The following TTC33 variants were observed in gnomAD, a reference collection of about 807,000 sequenced individuals.
TTC33 encodes the protein tetratricopeptide repeat protein 33.
TTC33 carries 24 observed loss-of-function variants against 29.4 expected under a neutral mutation model. The ratio of observed to expected loss-of-function variants is 0.82; its 90% CI spans 0.59 to 1.15. The LOEUF (loss-of-function observed/expected upper bound fraction) is 1.15. Ranked by LOEUF, TTC33 falls within the 50% of genes most tolerant of loss-of-function variation. TTC33 has a pLI of 0.00. For missense variants in TTC33, 286 were observed against 310.4 expected, an observed-to-expected ratio of 0.92 and a Z score of 0.59; for synonymous variants, 107 against 100.3, an observed-to-expected ratio of 1.07 and a Z score of -0.40.
In TTC33 at chr5:40,722,348, C is replaced by T. The variant is rs566227551; in HGVS notation, c.436-5850G>A. Among the ~76,000 whole-genome samples, 14 of 152,244 alleles carry T rather than the reference C, an allele frequency of 9.2e-5. No homozygotes were observed. The South Asian group carries it at 2.5e-3, about 27-fold the overall frequency. ...GCCACCCCGTCTAGGAAGTGAGGAG[C>T]GTCTCTGCCTGGCCGCCCATCGTCT... On this transcript the variant is annotated intron_variant, in intron 4 of 4. Coordinates refer to ENST00000337702, the MANE Select transcript of TTC33 (RefSeq NM_012382.3).
At chr5:40,753,317 T>C (rs929807482) in intron 1 of TTC33, among the ~76,000 whole-genome samples, 6 of 151,410 alleles carry the variant, frequency 4.0e-5, no homozygotes, top group African/African-American at 1.5e-4. Flanking sequence ...TGAGCCGAGA[T>C]TGCACCATTG....
intron 1 of TTC33, among the ~76,000 whole-genome samples, chr5:40,751,664 T>C (rs1035227587): frequency 1.3e-4 from 20 of 152,102 alleles, no homozygotes; most frequent in Non-Finnish European, 2.6e-4. Context: ...GTCATCCACA[T>C]TGAAAATCTT....
intron 1 of TTC33, among the ~76,000 whole-genome samples, chr5:40,753,310 GC>G (rs1385199537): frequency 1.3e-5 from 2 of 151,578 alleles, no homozygotes; most frequent in African/African-American, 4.9e-5. Context: ...GTTGCAGTGA[GC>G]CGAGATTGCA....
rs549440884 is a variant in TTC33 at position 40,725,515 on chromosome 5, T to C, written c.435+2830A>G. ...AAACAAAATTAGTATTTATTGCACA[T>C]TGGCATGAAGAAAAGCAAAAGCTGG... On this transcript the variant is annotated intron_variant, in intron 4 of 4. Coordinates refer to ENST00000337702, the MANE Select transcript of TTC33 (RefSeq NM_012382.3). Among the ~76,000 whole-genome samples, 308 of 152,240 alleles carry C rather than the reference T, an allele frequency of 2.0e-3. 1 individual carries two copies. Among genetic ancestry groups the C allele is most frequent in the Non-Finnish European group, 3.4e-3 (230 of 68,020 alleles).
At chr5:40,720,194 G>C (rs988332069) in intron 4 of TTC33, among the ~76,000 whole-genome samples, 2 of 152,068 alleles carry the variant, frequency 1.3e-5, no homozygotes, top group Non-Finnish European at 2.9e-5. Flanking sequence ...CTTATGTTTA[G>C]GTCTTTGTTT....
At chr5:40,744,899 A>G (rs1470018115) in intron 2 of TTC33, among the ~76,000 whole-genome samples, 2 of 152,226 alleles carry the variant, frequency 1.3e-5, no homozygotes, top group Non-Finnish European at 2.9e-5. Flanking sequence ...TGGCAATATA[A>G]TATTATTTAT....
At chr5:40,726,177 A>G (rs1742282831) in intron 4 of TTC33, among the ~76,000 whole-genome samples, 1 of 149,418 alleles carries the variant, frequency 6.7e-6, no homozygotes, top group East Asian at 2.0e-4. Context: ...ACACACACGT[A>G]TATATATATA....
rs1039248885 is a variant in TTC33 at position 40,713,383 on chromosome 5, A to T, written c.*2762T>A. Among the ~76,000 whole-genome samples the T allele has an allele frequency of 1.4e-4, 22 of 152,186 alleles. No individual in the cohort carries two copies. The highest frequency in any genetic ancestry group is 4.8e-4 in the African/African-American group (20 of 41,468). ...GCTATACTGTTCAGTTATAATCTTAAAAATTCTAGCTGAGACAGAGCTTTT... is the reference window on the plus strand; with the variant it reads ...GCTATACTGTTCAGTTATAATCTTATAAATTCTAGCTGAGACAGAGCTTTT... On this transcript the variant is annotated 3_prime_UTR_variant, in exon 5 of 5. Transcript: ENST00000337702.
At chr5:40,722,301 A>C (rs931878649) in intron 4 of TTC33, among the ~76,000 whole-genome samples, 3 of 152,142 alleles carry the variant, frequency 2.0e-5, no homozygotes, top group Admixed American at 2.0e-4. Flanking sequence ...CAAAGTGCCG[A>C]GATTGCATCC....
At chr5:40,748,800 G>A (rs1372192821) in intron 1 of TTC33, among the ~76,000 whole-genome samples, 1 of 152,112 alleles carries the variant, frequency 6.6e-6, no homozygotes, top group Non-Finnish European at 1.5e-5. Context: ...TTCAAACTTG[G>A]TAAACGACTT....
At chr5:40,738,483 AC>A (rs1742608305) in intron 2 of TTC33, among the ~76,000 whole-genome samples, 2 of 138,590 alleles carry the variant, frequency 1.4e-5, no homozygotes, top group African/African-American at 5.4e-5. Context: ...ACAATACAAT[AC>A]AATACAATAC....
chr5:40,725,355 A>C (rs1390646332), intron 4 of TTC33, among the ~76,000 whole-genome samples: 1 of 152,128 alleles, frequency 6.6e-6, no homozygotes, highest in Admixed American at 6.5e-5. Flanking sequence ...TGTCCATCCC[A>C]TTACTACCAT....
At position 40,715,874 on chromosome 5, in the gene TTC33, T is replaced by C. The variant is rs1741986199; in HGVS notation, c.*271A>G. 1 of 328,908 alleles carries C rather than the reference T, an allele frequency of 3.0e-6. No individual in the cohort carries two copies. The allele number at this position is 328,908 out of a possible 1,614,324, so 20.4% of individuals were successfully genotyped here. A position where few individuals can be genotyped will look rare whatever the true frequency, so the allele number is the denominator to read the frequency against. On this transcript the variant is annotated 3_prime_UTR_variant, in exon 5 of 5. Transcript: ENST00000337702. ...TTTTTCAAGTTTTGTCTTTAAAATGTATTCATTTACATATTCAGATTAAAC... is the reference window on the plus strand; with the variant it reads ...TTTTTCAAGTTTTGTCTTTAAAATGCATTCATTTACATATTCAGATTAAAC...
At chr5:40,720,599 A>ATG (rs1484300904) in intron 4 of TTC33, among the ~76,000 whole-genome samples, 1 of 152,242 alleles carries the variant, frequency 6.6e-6, no homozygotes, top group Non-Finnish European at 1.5e-5. Context: ...GAGGAGTAGC[A>ATG]TCAGCAAGAT....
rs190370284 is a variant in TTC33 at position 40,742,474 on chromosome 5, A to C, written c.221+4324T>G. On this transcript the variant is annotated intron_variant, in intron 2 of 4. Transcript: ENST00000337702. Reference sequence around the variant, plus strand: ...AGGAAACTTAAACACAGAGAAGCTGAATAACTTGCCTAATATTGCAAAGCT... The same window carrying C: ...AGGAAACTTAAACACAGAGAAGCTGCATAACTTGCCTAATATTGCAAAGCT... Among the ~76,000 whole-genome samples, 455 of 152,368 alleles carry C rather than the reference A, an allele frequency of 3.0e-3. 2 individuals carry two copies. Among genetic ancestry groups the C allele is most frequent in the African/African-American group, 0.01 (429 of 41,586 alleles).
At chr5:40,741,681 C>T (rs1248793598) in intron 2 of TTC33, among the ~76,000 whole-genome samples, 1 of 152,146 alleles carries the variant, frequency 6.6e-6, no homozygotes, top group African/African-American at 2.4e-5. Context: ...CTGGAGACTA[C>T]CTTCAGGTAG....
At chr5:40,739,288 G>A (rs1264399858) in intron 2 of TTC33, among the ~76,000 whole-genome samples, 2 of 152,070 alleles carry the variant, frequency 1.3e-5, no homozygotes, top group Admixed American at 6.5e-5. Flanking sequence ...TATCTCAAAC[G>A]CAAGCTTGCT....
intron 4 of TTC33, among the ~76,000 whole-genome samples, chr5:40,727,789 A>T (rs1742320767): frequency 6.6e-6 from 1 of 152,022 alleles, no homozygotes; most frequent in African/African-American, 2.4e-5. Context: ...TTTATGTTAA[A>T]TTTTTTTTAA....
rs910536731 is a variant in TTC33, at chr5:40,755,931, T to C, written c.-109A>G. ...AGGAAAGACGACTCAGTCTTTCCCC[T>C]CCGCCAATCTCTTCTCCGGGACCAC... On this transcript the variant is annotated 5_prime_UTR_variant, in exon 1 of 5. Coordinates refer to ENST00000337702, the MANE Select transcript of TTC33 (RefSeq NM_012382.3). 2 of 152,344 alleles carry C rather than the reference T, an allele frequency of 1.3e-5. No individual in the cohort carries two copies. The highest frequency in any genetic ancestry group is 2.9e-5 in the Non-Finnish European group (2 of 68,104). 9.4% of individuals were successfully genotyped at this position (152,344 alleles called of 1,614,324 possible).
Sources: allele counts gnomAD v4.1 joint callset (sites outside exome capture counted in the v4.1 genomes callset), GRCh38; gene constraint gnomAD v4.1.1; transcripts MANE v1.5; gene names NCBI Gene and HGNC (gene_info 2026-07-23, HGNC 2026-07-21).